Variants in TMEM132D observed in about 807,000 individuals in gnomAD.
TMEM132D encodes transmembrane protein 132D.
A neutral mutation model predicts 62.3 loss-of-function variants in TMEM132D; 21 were observed. The ratio of observed to expected loss-of-function variants is 0.34; its 90% CI spans 0.24 to 0.49. TMEM132D has a LOEUF of 0.49. TMEM132D is among the 20% of genes least tolerant of loss of function. The probability of loss-of-function intolerance (pLI) is 0.99; values close to 1 mark genes in which losing one functional copy is unlikely to be tolerated. For missense variants in TMEM132D, 1,346 were observed against 1,402.8 expected (o/e 0.96, Z 0.65); for synonymous variants, 621 against 575.6 (o/e 1.08, Z -1.13).
intron 3 of TMEM132D, among the ~76,000 whole-genome samples, chr12:129,453,836 G>T (rs1034706317): frequency 2.6e-5 from 4 of 152,162 alleles, no homozygotes; most frequent in African/African-American, 9.7e-5. Flanking sequence ...GTGTGCATCT[G>T]CGTGTTCCTG....
At chr12:129,499,432 T>A (rs1485835892) in intron 3 of TMEM132D, among the ~76,000 whole-genome samples, 1 of 152,230 alleles carries the variant, frequency 6.6e-6, no homozygotes, top group African/African-American at 2.4e-5. Context: ...CTTCAGCTAC[T>A]CTCTGTGTTT....
intron 2 of TMEM132D, among the ~76,000 whole-genome samples, chr12:129,642,132 C>A (rs12319987): frequency 0.025 from 3,733 of 152,138 alleles, 153 homozygotes; most frequent in African/African-American, 0.084. Flanking sequence ...GGAAGTCTAA[C>A]GGAAGGGGCC....
At chr12:129,154,619 G>A (rs193156083) in intron 5 of TMEM132D, among the ~76,000 whole-genome samples, 38 of 152,268 alleles carry the variant, frequency 2.5e-4, no homozygotes, top group African/African-American at 8.7e-4. Context: ...TCCAAGGATG[G>A]ATCATATTGT....
intron 4 of TMEM132D, among the ~76,000 whole-genome samples, chr12:129,322,163 C>T (rs1365522701): frequency 6.6e-6 from 1 of 151,400 alleles, no homozygotes; most frequent in East Asian, 1.9e-4. Flanking sequence ...TCAATCTATC[C>T]ATACGTGGGA....
intron 3 of TMEM132D, among the ~76,000 whole-genome samples, chr12:129,511,037 T>C (rs969776323): frequency 2.6e-5 from 4 of 152,198 alleles, no homozygotes; most frequent in Non-Finnish European, 5.9e-5. Flanking sequence ...TCTAGGTCTT[T>C]TGTAGTTTCA....
chr12:129,552,442 C>G (rs1382135214), intron 2 of TMEM132D, among the ~76,000 whole-genome samples: 1 of 152,088 alleles, frequency 6.6e-6, no homozygotes, highest in Non-Finnish European at 1.5e-5. Context: ...TATCCATCTA[C>G]CTACCTACCT....
At chr12:129,523,560 G>C (rs1875921157) in intron 3 of TMEM132D, among the ~76,000 whole-genome samples, 1 of 152,150 alleles carries the variant, frequency 6.6e-6, no homozygotes, top group South Asian at 2.1e-4. Context: ...GCAAAGACGC[G>C]TGGCGGTAAC....
intron 3 of TMEM132D, among the ~76,000 whole-genome samples, chr12:129,362,609 T>C (rs2135675249): frequency 6.6e-6 from 1 of 152,282 alleles, no homozygotes; most frequent in African/African-American, 2.4e-5. Context: ...CTTTTTCTTA[T>C]TTTAAAAAAA....
chr12:129,139,073 G>A (rs994730389), intron 5 of TMEM132D, among the ~76,000 whole-genome samples: 9 of 152,106 alleles, frequency 5.9e-5, no homozygotes, highest in South Asian at 2.1e-4. Flanking sequence ...GCAAAATTAC[G>A]TGAGGCGCAC....
At chr12:129,521,738 G>A (rs1875853213) in intron 3 of TMEM132D, 2 of 152,140 alleles carry the variant, frequency 1.3e-5, no homozygotes, top group Admixed American at 6.6e-5. Flanking sequence ...TTTCATTGCT[G>A]AGTAGTATTC....
intron 3 of TMEM132D, among the ~76,000 whole-genome samples, chr12:129,497,137 G>A (rs1256386810): frequency 2.0e-5 from 3 of 152,144 alleles, no homozygotes; most frequent in Non-Finnish European, 2.9e-5. Flanking sequence ...GTGAAACCCC[G>A]TCTCTGCTAA....
At chr12:129,809,136 C>T (rs2137314036) in intron 1 of TMEM132D, among the ~76,000 whole-genome samples, 1 of 151,978 alleles carries the variant, frequency 6.6e-6, no homozygotes, top group Admixed American at 6.5e-5. Flanking sequence ...GGTGAAACCT[C>T]GTCTCTACTA....
intron 5 of TMEM132D, among the ~76,000 whole-genome samples, chr12:129,195,362 G>A (rs145070637): frequency 3.0e-3 from 462 of 152,232 alleles, no homozygotes; most frequent in Non-Finnish European, 3.9e-3. Context: ...TGGGGAGATG[G>A]AATAGGCCTT....
At position 129,562,802 on chromosome 12, in the gene TMEM132D, C is replaced by A. The variant is rs573046666; in HGVS notation, c.969-31597G>T. Among the ~76,000 whole-genome samples, 14 of 152,262 alleles carry A rather than the reference C, an allele frequency of 9.2e-5. No individual in the cohort carries two copies. In the East Asian group the frequency reaches 2.3e-3, roughly 25 times the overall value. On this transcript the variant is annotated intron_variant, in intron 2 of 8. Coordinates refer to ENST00000422113, the MANE Select transcript of TMEM132D (RefSeq NM_133448.3). ...TCCTGGGTGTAGAATATCCTCCCAACCTTCGTTCCACCTGGAGAAACCCCG... is the reference window on the plus strand; with the variant it reads ...TCCTGGGTGTAGAATATCCTCCCAAACTTCGTTCCACCTGGAGAAACCCCG...
At chr12:129,571,111 A>G (rs1000823909) in intron 2 of TMEM132D, among the ~76,000 whole-genome samples, 2 of 152,216 alleles carry the variant, frequency 1.3e-5, no homozygotes, top group Non-Finnish European at 2.9e-5. Context: ...AGGTAATTCT[A>G]TTCCATTTGA....
chr12:129,863,777 CTGTTTT>C (rs1454606098), intron 1 of TMEM132D, among the ~76,000 whole-genome samples: 1 of 152,008 alleles, frequency 6.6e-6, no homozygotes, highest in Non-Finnish European at 1.5e-5. Flanking sequence ...TTGTTTGTTT[CTGTTTT>C]TGTTTTTTTG....
In TMEM132D at chr12:129,162,982, T is replaced by C. The variant is rs959655043; in HGVS notation, c.1443+46538A>G. Among the ~76,000 whole-genome samples, 34 of 152,122 alleles carry C rather than the reference T, an allele frequency of 2.2e-4. 1 individual carries two copies. The highest frequency in any genetic ancestry group is 1.5e-5 in the Non-Finnish European group (1 of 68,034). On this transcript the variant is annotated intron_variant, in intron 5 of 8. Coordinates refer to ENST00000422113, the MANE Select transcript of TMEM132D (RefSeq NM_133448.3). Reference sequence around the variant, plus strand: ...GGCCACTGGACTGCGCAGGACCAGCTCTCAACATTGACACTGTGTGGCTGC... The same window carrying C: ...GGCCACTGGACTGCGCAGGACCAGCCCTCAACATTGACACTGTGTGGCTGC...
chr12:129,389,468 G>A (rs1871236680), intron 3 of TMEM132D, among the ~76,000 whole-genome samples: 2 of 150,534 alleles, frequency 1.3e-5, no homozygotes, highest in African/African-American at 4.9e-5. Context: ...TAATGTCACT[G>A]CCAACACCAA....
At chr12:129,492,218 A>G (rs1171258364) in intron 3 of TMEM132D, among the ~76,000 whole-genome samples, 1 of 152,188 alleles carries the variant, frequency 6.6e-6, no homozygotes, top group Non-Finnish European at 1.5e-5. Context: ...GCCAATTACA[A>G]ATAGTTTTGG....
Sources: gnomAD v4.1 joint callset for allele counts (sites outside exome capture counted in the v4.1 genomes callset) on GRCh38, gnomAD v4.1.1 for gene constraint, MANE v1.5 for transcripts, NCBI Gene and HGNC (gene_info 2026-07-23, HGNC 2026-07-21) for gene names.